The following TMEM132C variants were observed in gnomAD, a reference collection of about 807,000 sequenced individuals.
The protein encoded by TMEM132C is transmembrane protein 132C, also known as protein phosphatase 1, regulatory subunit 152.
Under a neutral mutation model 61.4 loss-of-function variants are expected in TMEM132C, and 29 were observed. That is an observed-to-expected ratio of 0.47 (90% confidence interval 0.35 to 0.64). TMEM132C has a LOEUF of 0.64. TMEM132C is among the 30% of genes least tolerant of loss of function. The pLI, the probability that TMEM132C is intolerant of heterozygous loss-of-function variation, is 0.00. For synonymous variants in TMEM132C, 656 were observed against 633.1 expected (o/e 1.04, Z -0.54); for missense variants, 1,408 against 1,476.9 (o/e 0.95, Z 0.76).
At chr12:128,696,519 A>G (rs1954766270) in intron 7 of TMEM132C, among the ~76,000 whole-genome samples, 1 of 152,184 alleles carries the variant, frequency 6.6e-6, no homozygotes, top group Non-Finnish European at 1.5e-5. Flanking sequence ...TCTTTCAGTC[A>G]TTCTGTCTTC....
intron 6 of TMEM132C, 102 bp downstream of exon 6, chr12:128,694,136 C>A: frequency 7.5e-7 from 1 of 1,326,890 alleles, no homozygotes; most frequent in Non-Finnish European, 1.0e-6. Context: ...GGTATTGTCT[C>A]AGCAGTTGAA....
intron 1 of TMEM132C, among the ~76,000 whole-genome samples, chr12:128,399,115 CA>C (rs1282888890): frequency 6.6e-6 from 1 of 152,124 alleles, no homozygotes; most frequent in Non-Finnish European, 1.5e-5. Context: ...CTGGTATAAC[CA>C]AACAAAACTA....
At chr12:128,485,781 C>T (rs572561464) in intron 2 of TMEM132C, among the ~76,000 whole-genome samples, 1 of 152,326 alleles carries the variant, frequency 6.6e-6, no homozygotes, top group Non-Finnish European at 1.5e-5. Flanking sequence ...GCGGATTGCT[C>T]TTCCCCCTTC....
chr12:128,509,633 C>T (rs1446663779), intron 2 of TMEM132C, among the ~76,000 whole-genome samples: 2 of 152,186 alleles, frequency 1.3e-5, no homozygotes, highest in Non-Finnish European at 1.5e-5. Context: ...CCTCTGAGAA[C>T]TCAGTCATTT....
intron 1 of TMEM132C, among the ~76,000 whole-genome samples, chr12:128,305,683 C>T (rs199931082): frequency 1.3e-4 from 20 of 152,072 alleles, no homozygotes; most frequent in South Asian, 4.2e-4. Context: ...TGAGACCTCC[C>T]GGCAGCAGCA....
intron 1 of TMEM132C, among the ~76,000 whole-genome samples, chr12:128,330,745 AGTAG>A (rs1322398935): frequency 2.0e-5 from 3 of 152,152 alleles, no homozygotes. Flanking sequence ...CTGAATTCCT[AGTAG>A]AAAAATTCTA....
At chr12:128,558,387 G>C (rs1473707823) in intron 3 of TMEM132C, among the ~76,000 whole-genome samples, 2 of 152,190 alleles carry the variant, frequency 1.3e-5, no homozygotes, top group Non-Finnish European at 2.9e-5. Flanking sequence ...TCTCATGATA[G>C]TGAATAAGTC....
chr12:128,316,930 A>G (rs1282451520), intron 1 of TMEM132C, among the ~76,000 whole-genome samples: 1 of 152,152 alleles, frequency 6.6e-6, no homozygotes, highest in Non-Finnish European at 1.5e-5. Context: ...ACCACCCGCA[A>G]CTAAAGCTGG....
At chr12:128,643,293 G>T (rs1272551925) in intron 4 of TMEM132C, among the ~76,000 whole-genome samples, 1 of 152,170 alleles carries the variant, frequency 6.6e-6, no homozygotes, top group African/African-American at 2.4e-5. Flanking sequence ...ATTTGCAAAA[G>T]GTTTGAATTA....
intron 1 of TMEM132C, among the ~76,000 whole-genome samples, chr12:128,330,363 C>T (rs577147659): frequency 3.9e-5 from 6 of 152,232 alleles, no homozygotes; most frequent in East Asian, 3.9e-4. Context: ...TAACCAACCT[C>T]GAATATGTTA....
intron 1 of TMEM132C, among the ~76,000 whole-genome samples, chr12:128,307,135 C>G (rs1031996767): frequency 2.0e-5 from 3 of 151,970 alleles, no homozygotes; most frequent in African/African-American, 2.4e-5. Flanking sequence ...GTTCACACAC[C>G]CACCCTTGGT....
intron 1 of TMEM132C, among the ~76,000 whole-genome samples, chr12:128,285,588 G>A (rs148750025): frequency 1.5e-4 from 23 of 152,016 alleles, no homozygotes; most frequent in African/African-American, 3.1e-4. Flanking sequence ...GGAACCAGCC[G>A]GACCCAGGGG....
chr12:128,450,410 C>G (rs150691137), intron 2 of TMEM132C, among the ~76,000 whole-genome samples: 2 of 152,232 alleles, frequency 1.3e-5, no homozygotes, highest in East Asian at 3.9e-4. Flanking sequence ...ATCAGGGACC[C>G]TATGTTTCTC....
At chr12:128,486,506 G>A (rs990745537) in intron 2 of TMEM132C, among the ~76,000 whole-genome samples, 25 of 152,168 alleles carry the variant, frequency 1.6e-4, no homozygotes, top group African/African-American at 6.0e-4. Context: ...TTCTCAGTTA[G>A]CCTCAGGGAC....
intron 1 of TMEM132C, among the ~76,000 whole-genome samples, chr12:128,347,397 G>GCCTCTCTCTCTCTC (rs1873193951): frequency 7.4e-6 from 1 of 135,424 alleles, no homozygotes; most frequent in African/African-American, 3.0e-5. Context: ...GCATATGTAT[G>GCCTCTCTCTCTCTC]TCTCTCTCTC....
chr12:128,396,743 C>G (rs1874971161), intron 1 of TMEM132C, among the ~76,000 whole-genome samples: 1 of 152,124 alleles, frequency 6.6e-6, no homozygotes, highest in Non-Finnish European at 1.5e-5. Context: ...AAGTGAGCAC[C>G]CACCATCACA....
intron 3 of TMEM132C, among the ~76,000 whole-genome samples, chr12:128,561,980 G>A (rs1168845620): frequency 2.6e-5 from 4 of 152,270 alleles, no homozygotes; most frequent in East Asian, 1.9e-4. Context: ...AGAAGAGATG[G>A]GTGGGGTGTT....
intron 5 of TMEM132C, among the ~76,000 whole-genome samples, chr12:128,670,971 TG>T (rs1419559359): frequency 1.3e-5 from 2 of 152,162 alleles, no homozygotes; most frequent in Non-Finnish European, 2.9e-5. Flanking sequence ...TTTTTTTTAA[TG>T]GGCAAAAAAA....
intron 3 of TMEM132C, among the ~76,000 whole-genome samples, chr12:128,550,551 T>G (rs1874138487): frequency 6.6e-6 from 1 of 152,126 alleles, no homozygotes; most frequent in Non-Finnish European, 1.5e-5. Flanking sequence ...GTGATCCACC[T>G]ACCTCGGCCT....
Sources: allele counts gnomAD v4.1 joint callset (sites outside exome capture counted in the v4.1 genomes callset), GRCh38; gene constraint gnomAD v4.1.1; transcripts MANE v1.5; gene names NCBI Gene and HGNC (gene_info 2026-07-23, HGNC 2026-07-21).